DCDC1: variants seen among roughly 807,000 people sequenced by gnomAD.
DCDC1 encodes doublecortin domain containing 1, also known as doublecortin domain-containing protein 1.
DCDC1 carries 200 observed loss-of-function variants against 178.3 expected under a neutral mutation model. That is an observed-to-expected ratio of 1.12 (90% CI 1.00 to 1.26). The LOEUF is 1.26. DCDC1 is among the 50% of genes most tolerant of loss of function. The pLI, the probability that DCDC1 is intolerant of heterozygous loss-of-function variation, is 0.00. For synonymous variants in DCDC1, 690 were observed against 604.8 expected, an observed-to-expected ratio of 1.14 and a Z score of -2.07; for missense variants, 1,983 against 1,749.2, an observed-to-expected ratio of 1.13 and a Z score of -2.38.
At chr11:31,348,887 C>T (rs1324153184) in intron 1 of DCDC1, among the ~76,000 whole-genome samples, 1 of 152,020 alleles carries the variant, frequency 6.6e-6, no homozygotes, top group Non-Finnish European at 1.5e-5. Flanking sequence ...ACCTGCATTG[C>T]CAAATTATTC....
chr11:31,336,604 G>A (rs1366677280), intron 1 of DCDC1, among the ~76,000 whole-genome samples: 1 of 152,178 alleles, frequency 6.6e-6, no homozygotes, highest in Non-Finnish European at 1.5e-5. Context: ...ATGTCCTAAT[G>A]TGTCCATATG....
intron 9 of DCDC1, among the ~76,000 whole-genome samples, chr11:31,178,222 C>A (rs1423252008): frequency 3.3e-5 from 5 of 152,076 alleles, no homozygotes; most frequent in Non-Finnish European, 5.9e-5. Context: ...AGTAGAGAGC[C>A]CATAAATAAA....
At chr11:31,088,091 T>A (rs1458997416) in intron 17 of DCDC1, among the ~76,000 whole-genome samples, 1 of 152,108 alleles carries the variant, frequency 6.6e-6, no homozygotes, top group Admixed American at 6.6e-5. Context: ...AATATTCTTT[T>A]TACTGACGTC....
At chr11:31,199,749 CAT>C (rs1349916856) in intron 9 of DCDC1, among the ~76,000 whole-genome samples, 1 of 152,022 alleles carries the variant, frequency 6.6e-6, no homozygotes, top group Non-Finnish European at 1.5e-5. Flanking sequence ...TCAGAATTCA[CAT>C]ACTTTGTGTC....
At chr11:31,093,108 G>A (rs2135677819) in intron 16 of DCDC1, among the ~76,000 whole-genome samples, 1 of 152,294 alleles carries the variant, frequency 6.6e-6, no homozygotes, top group South Asian at 2.1e-4. Flanking sequence ...AAAATACCAT[G>A]TAAAAAGGGC....
At chr11:31,187,968 G>T (rs1380366521) in intron 9 of DCDC1, among the ~76,000 whole-genome samples, 2 of 152,088 alleles carry the variant, frequency 1.3e-5, no homozygotes, top group Non-Finnish European at 2.9e-5. Flanking sequence ...CACAGCAATT[G>T]CATTTATAAC....
At chr11:31,040,455 C>A (rs1368159243) in intron 20 of DCDC1, among the ~76,000 whole-genome samples, 2 of 152,236 alleles carry the variant, frequency 1.3e-5, no homozygotes, top group African/African-American at 4.8e-5. Flanking sequence ...GGTGTGGGAA[C>A]CGCTGTTATA....
At chr11:31,326,331 AG>A (rs1371646852) in intron 3 of DCDC1, among the ~76,000 whole-genome samples, 1 of 152,118 alleles carries the variant, frequency 6.6e-6, no homozygotes, top group African/African-American at 2.4e-5. Context: ...GGAAAAAAGC[AG>A]GAACAGAGCG....
chr11:31,082,961 T>C (rs1484321004), intron 17 of DCDC1, among the ~76,000 whole-genome samples: 1 of 152,218 alleles, frequency 6.6e-6, no homozygotes, highest in Non-Finnish European at 1.5e-5. Context: ...AGTGTGAAAT[T>C]ACACATGGAC....
At chr11:31,284,941 G>A (rs906162208) in intron 7 of DCDC1, among the ~76,000 whole-genome samples, 3 of 152,164 alleles carry the variant, frequency 2.0e-5, no homozygotes, top group Admixed American at 1.3e-4. Context: ...GCCCGGCCAT[G>A]TTAATGTCTT....
chr11:31,327,465 C>T (rs1162456849), intron 3 of DCDC1, among the ~76,000 whole-genome samples: 3 of 152,082 alleles, frequency 2.0e-5, no homozygotes, highest in African/African-American at 7.2e-5. Flanking sequence ...TAACTGCACC[C>T]AGCCTCTAGT....
chr11:31,294,733 AG>A, intron 6 of DCDC1, among the ~76,000 whole-genome samples: 1 of 83,816 alleles, frequency 1.2e-5, no homozygotes, highest in Admixed American at 1.6e-4. Context: ...GAAGGGAGGG[AG>A]GGAGGGAGGG....
chr11:31,332,862 T>C (rs1950071769), intron 2 of DCDC1, among the ~76,000 whole-genome samples: 1 of 152,184 alleles, frequency 6.6e-6, no homozygotes, highest in Non-Finnish European at 1.5e-5. Flanking sequence ...ATTCTGCTGA[T>C]CTGGGGTGGA....
intron 36 of DCDC1, 111 bp from the exon 37 acceptor site, chr11:30,881,419 A>G (rs2133976290): frequency 3.7e-6 from 5 of 1,346,148 alleles, no homozygotes; most frequent in East Asian, 2.4e-5. Context: ...TTATTTGCCC[A>G]CTGATAGTTG....
At chr11:30,947,466 A>G (rs1948120603) in intron 21 of DCDC1, among the ~76,000 whole-genome samples, 1 of 152,182 alleles carries the variant, frequency 6.6e-6, no homozygotes, top group African/African-American at 2.4e-5. Context: ...TGGGAAAAGG[A>G]CACCTTCTTC....
intron 8 of DCDC1, among the ~76,000 whole-genome samples, chr11:31,253,356 A>ATTTTT (rs1357132704): frequency 7.4e-6 from 1 of 134,698 alleles, no homozygotes. Context: ...AGTTTTGGAG[A>ATTTTT]TTTTTTTTTT....
chr11:31,283,969 TCC>T (rs1305255162), intron 7 of DCDC1, among the ~76,000 whole-genome samples: 1 of 133,600 alleles, frequency 7.5e-6, no homozygotes, highest in Non-Finnish European at 1.7e-5. Flanking sequence ...ACTCTTTCCC[TCC>T]CTCTCTCTCT....
chr11:31,110,388 A>G, intron 11 of DCDC1, 27 bp from the exon 12 acceptor site: 1 of 696,644 alleles, frequency 1.4e-6, no homozygotes, highest in East Asian at 2.7e-5. Context: ...TTCAAAAATA[A>G]AAATAAATAC....
At chr11:31,047,156 T>C (rs1411678458) in intron 20 of DCDC1, among the ~76,000 whole-genome samples, 1 of 152,192 alleles carries the variant, frequency 6.6e-6, no homozygotes, top group Non-Finnish European at 1.5e-5. Flanking sequence ...CTATCTGTTG[T>C]TCATTGTCAT....
Sources: gnomAD v4.1 joint callset for allele counts (sites outside exome capture counted in the v4.1 genomes callset) on GRCh38, gnomAD v4.1.1 for gene constraint, MANE v1.5 for transcripts, NCBI Gene and HGNC (gene_info 2026-07-23, HGNC 2026-07-21) for gene names.